The following GAS2 variants were observed in gnomAD, a reference collection of about 807,000 sequenced individuals.
The protein encoded by GAS2 is growth arrest-specific protein 2.
GAS2 carries 20 observed loss-of-function variants against 37.5 expected under a neutral mutation model. The observed-to-expected ratio is 0.53, with a 90% CI of 0.37 to 0.77. GAS2 has a LOEUF of 0.77. Among genes scored for constraint, GAS2 ranks in the 30% least tolerant of loss-of-function variants. The pLI is 0.00. For synonymous variants in GAS2, 144 were observed against 132.2 expected (o/e 1.09, Z -0.61); for missense variants, 336 against 373.4 (o/e 0.90, Z 0.82).
intron 1 of GAS2, among the ~76,000 whole-genome samples, chr11:22,649,919 C>G (rs1478633737): frequency 2.0e-5 from 3 of 152,004 alleles, no homozygotes; most frequent in Non-Finnish European, 4.4e-5. Flanking sequence ...CTATTTCCTT[C>G]AGTTCTGCTC....
chr11:22,760,190 A>G lies in GAS2; in HGVS notation c.723+4237A>G, dbSNP rs189814430. 1.9e-4 allele frequency among the ~76,000 whole-genome samples: 28 copies of G among 151,280 alleles called. 1 individual carries two copies. In the East Asian group the frequency reaches 5.1e-3, roughly 27 times the overall value. On this transcript the variant is annotated intron_variant, in intron 7 of 7. Coordinates refer to ENST00000454584, the MANE Select transcript of GAS2 (RefSeq NM_001143830.3). ...GAGACAGGAATTCATCATATTGGCC[A>G]GGCTGGCTTCAAACTCTTGGCCTCA...
intron 3 of GAS2, among the ~76,000 whole-genome samples, chr11:22,721,319 G>A (rs554652214): frequency 7.7e-4 from 117 of 152,168 alleles, no homozygotes; most frequent in African/African-American, 2.6e-3. Context: ...TTCTCCAGAT[G>A]CAGATTATTA....
chr11:22,709,670 CA>C (rs1302629417), intron 3 of GAS2, among the ~76,000 whole-genome samples: 1 of 152,082 alleles, frequency 6.6e-6, no homozygotes, highest in Non-Finnish European at 1.5e-5. Context: ...GGTATATACC[CA>C]AAGGACTATA....
intron 7 of GAS2, among the ~76,000 whole-genome samples, chr11:22,789,442 A>ATG (rs2134556888): frequency 1.0e-5 from 1 of 98,848 alleles, no homozygotes; most frequent in Admixed American, 1.1e-4. Context: ...ATATATATAT[A>ATG]TATATATATA....
chr11:22,790,952 T>C (rs944803785), intron 7 of GAS2, among the ~76,000 whole-genome samples: 2 of 152,064 alleles, frequency 1.3e-5, no homozygotes, highest in African/African-American at 4.8e-5. Flanking sequence ...GCTATATAAA[T>C]GGACATCAGA....
At chr11:22,643,671 A>T (rs1175968106) in intron 1 of GAS2, among the ~76,000 whole-genome samples, 1 of 152,050 alleles carries the variant, frequency 6.6e-6, no homozygotes, top group Non-Finnish European at 1.5e-5. Flanking sequence ...TTTACAATTG[A>T]TGATTTTTTT....
At position 22,812,102 on chromosome 11, in the gene GAS2, A is replaced by C; in HGVS notation, c.*86A>C. On this transcript the variant is annotated 3_prime_UTR_variant, in exon 8 of 8. Coordinates refer to ENST00000454584, the MANE Select transcript of GAS2 (RefSeq NM_001143830.3). ...TCAGTTTAGTTCATATGTTCTGAAA[A>C]CTGTTTTGGAGAAAGATAGACAGAA... is the stretch of plus-strand genomic sequence containing the variant. 2 of 965,954 alleles carry C rather than the reference A, an allele frequency of 2.1e-6. No individual in the cohort carries two copies. Among genetic ancestry groups the C allele is most frequent in the South Asian group, 3.0e-5 (2 of 67,012 alleles). 59.8% of individuals were successfully genotyped at this position (965,954 alleles called of 1,614,324 possible).
At chr11:22,768,705 G>C (rs1036234151) in intron 7 of GAS2, among the ~76,000 whole-genome samples, 8 of 152,058 alleles carry the variant, frequency 5.3e-5, no homozygotes, top group Admixed American at 1.3e-4. Flanking sequence ...TCATACCTTG[G>C]TTCACAGTCT....
At chr11:22,801,434 G>T (rs1856658594) in intron 7 of GAS2, among the ~76,000 whole-genome samples, 1 of 145,772 alleles carries the variant, frequency 6.9e-6, no homozygotes, top group East Asian at 2.2e-4. Context: ...CTTGATTGGG[G>T]TGGGGGCATG....
At chr11:22,810,664 G>A (rs1470256280) in intron 7 of GAS2, among the ~76,000 whole-genome samples, 3 of 152,086 alleles carry the variant, frequency 2.0e-5, no homozygotes, top group Admixed American at 1.3e-4. Flanking sequence ...CCACATAAAT[G>A]AAGTTCTGTG....
At chr11:22,660,267 A>G (rs1848901855) in intron 1 of GAS2, among the ~76,000 whole-genome samples, 1 of 152,172 alleles carries the variant, frequency 6.6e-6, no homozygotes, top group African/African-American at 2.4e-5. Context: ...AATGTTAGGA[A>G]GCGAGGAGGG....
chr11:22,759,587 A>T (rs1426181861), intron 7 of GAS2, among the ~76,000 whole-genome samples: 1 of 152,212 alleles, frequency 6.6e-6, no homozygotes, highest in Admixed American at 6.5e-5. Flanking sequence ...ATTTTTATCT[A>T]TATTGTGCAG....
chr11:22,670,643 T>C (rs1849162632), intron 1 of GAS2, among the ~76,000 whole-genome samples: 1 of 152,138 alleles, frequency 6.6e-6, no homozygotes, highest in Non-Finnish European at 1.5e-5. Context: ...GAATATTAAA[T>C]ATATGCCAAG....
At chr11:22,731,795 T>C (rs959521956) in intron 4 of GAS2, among the ~76,000 whole-genome samples, 1 of 151,840 alleles carries the variant, frequency 6.6e-6, no homozygotes, top group African/African-American at 2.4e-5. Context: ...CTTTTATGAG[T>C]ATTAATTTAT....
intron 7 of GAS2, among the ~76,000 whole-genome samples, chr11:22,773,724 G>GGCC (rs1479635974): frequency 6.6e-6 from 1 of 152,006 alleles, no homozygotes; most frequent in Non-Finnish European, 1.5e-5. Flanking sequence ...GAAGCAAGAT[G>GGCC]GCCCTTTCTA....
At chr11:22,783,519 G>A (rs762115148) in intron 7 of GAS2, among the ~76,000 whole-genome samples, 4 of 152,036 alleles carry the variant, frequency 2.6e-5, no homozygotes, top group Non-Finnish European at 4.4e-5. Flanking sequence ...CTTTGCAAAG[G>A]CTCCTTATGA....
intron 6 of GAS2, among the ~76,000 whole-genome samples, chr11:22,751,716 C>T (rs960027577): frequency 6.6e-6 from 1 of 151,912 alleles, no homozygotes; most frequent in South Asian, 2.1e-4. Flanking sequence ...ACTAGCTTGT[C>T]CCCTATCTGG....
intron 7 of GAS2, among the ~76,000 whole-genome samples, chr11:22,811,045 T>A (rs1437932821): frequency 6.6e-6 from 1 of 152,158 alleles, no homozygotes; most frequent in Non-Finnish European, 1.5e-5. Context: ...AAGAAGCCGA[T>A]GACAAATTAT....
chr11:22,688,064 C>G (rs543714175), intron 3 of GAS2, among the ~76,000 whole-genome samples: 5 of 152,302 alleles, frequency 3.3e-5, no homozygotes, highest in African/African-American at 1.2e-4. Flanking sequence ...AATTGTAAGA[C>G]TCAATGTAAG....
Sources: allele counts gnomAD v4.1 joint callset (sites outside exome capture counted in the v4.1 genomes callset), GRCh38; gene constraint gnomAD v4.1.1; transcripts MANE v1.5; gene names NCBI Gene and HGNC (gene_info 2026-07-23, HGNC 2026-07-21).